GRXCR2: variants seen among roughly 807,000 people sequenced by gnomAD.
GRXCR2 encodes glutaredoxin and cysteine rich domain containing 2, also known as glutaredoxin domain-containing cysteine-rich protein 2.
In GRXCR2, 23 loss-of-function variants were observed where a neutral mutation model predicts 24.8. That is an observed-to-expected ratio of 0.93 (90% CI 0.67 to 1.32). The LOEUF (loss-of-function observed/expected upper bound fraction) is 1.32. GRXCR2 is among the 40% of genes most tolerant of loss of function. The probability of loss-of-function intolerance (pLI) is 0.00; values close to 1 mark genes in which losing one functional copy is unlikely to be tolerated. For synonymous variants in GRXCR2, 130 were observed against 116.1 expected (o/e 1.12, Z -0.77); for missense variants, 315 against 303.4 (o/e 1.04, Z -0.28).
At chr5:145,885,457 T>G (rs1756766787) in intron 2 of GRXCR2, among the ~76,000 whole-genome samples, 1 of 152,166 alleles carries the variant, frequency 6.6e-6, no homozygotes, top group Admixed American at 6.5e-5. Context: ...TTGTTCCACG[T>G]TTCTCCCTCT....
intron 2 of GRXCR2, among the ~76,000 whole-genome samples, chr5:145,887,700 A>G (rs1427875760): frequency 6.6e-6 from 1 of 152,214 alleles, no homozygotes; most frequent in Non-Finnish European, 1.5e-5. Flanking sequence ...GCTTTGATAT[A>G]CAGCACATTT....
chr5:145,895,605 C>T (rs1208465287), intron 2 of GRXCR2, among the ~76,000 whole-genome samples: 1 of 152,188 alleles, frequency 6.6e-6, no homozygotes, highest in African/African-American at 2.4e-5. Context: ...AGGAGAACTA[C>T]AAACCACTGC....
chr5:145,895,519 C>A (rs1756935562), intron 2 of GRXCR2, among the ~76,000 whole-genome samples: 1 of 152,134 alleles, frequency 6.6e-6, no homozygotes, highest in Non-Finnish European at 1.5e-5. Context: ...CATGAGTGAA[C>A]TCCCATTTAC....
intron 1 of GRXCR2, 103 bp downstream of exon 1, chr5:145,872,530 C>A: frequency 1.1e-6 from 1 of 919,168 alleles, no homozygotes; most frequent in Non-Finnish European, 1.6e-6. Flanking sequence ...CTGGTTGGTA[C>A]CGGAGGGGGA....
At chr5:145,900,296 T>A (rs1948304) in intron 2 of GRXCR2, among the ~76,000 whole-genome samples, 7,370 of 152,150 alleles carry the variant, frequency 0.048, 512 homozygotes, top group African/African-American at 0.16. Context: ...TTCCTCCTGT[T>A]CTGGCCATGT....
intron 2 of GRXCR2, among the ~76,000 whole-genome samples, chr5:145,863,525 TG>T (rs1469282157): frequency 6.6e-6 from 1 of 152,242 alleles, no homozygotes; most frequent in Non-Finnish European, 1.5e-5. Flanking sequence ...TTATCATTTC[TG>T]GTCCTCTTCT....
chr5:145,903,156 A>G (rs988173819), intron 2 of GRXCR2, among the ~76,000 whole-genome samples: 2 of 152,156 alleles, frequency 1.3e-5, no homozygotes, highest in Non-Finnish European at 2.9e-5. Flanking sequence ...TTTGAAATCA[A>G]CTTTTAGCTG....
chr5:145,895,907 C>T (rs1309878302), intron 2 of GRXCR2, among the ~76,000 whole-genome samples: 4 of 152,198 alleles, frequency 2.6e-5, no homozygotes, highest in Admixed American at 2.6e-4. Context: ...GTAACCAAAA[C>T]AGCATGGTAC....
rs111587884 is a variant in GRXCR2 at position 145,906,865 on chromosome 5, T to C, written c.-70+28836A>G. On this transcript the variant is annotated intron_variant, in intron 2 of 3. Transcript: ENST00000639411. Reference sequence around the variant, plus strand: ...GTTAAATGTATAGTATGCAAGATAGTGATCCGAAATGAAACAGGGGAGGGA... The same window carrying C: ...GTTAAATGTATAGTATGCAAGATAGCGATCCGAAATGAAACAGGGGAGGGA... Among the ~76,000 whole-genome samples, 717 of 150,962 alleles carry C rather than the reference T, an allele frequency of 4.7e-3. 5 individuals are homozygous for C. Among genetic ancestry groups the C allele is most frequent in the Non-Finnish European group, 4.0e-3 (269 of 67,928 alleles).
At chr5:145,863,757 G>A (rs1395841307) in intron 2 of GRXCR2, among the ~76,000 whole-genome samples, 2 of 152,108 alleles carry the variant, frequency 1.3e-5, no homozygotes, top group Non-Finnish European at 2.9e-5. Flanking sequence ...CTCTGCCTGG[G>A]ATTACAAGCA....
intron 1 of GRXCR2, among the ~76,000 whole-genome samples, chr5:145,869,743 G>T (rs1756498405): frequency 6.6e-6 from 1 of 152,080 alleles, no homozygotes; most frequent in South Asian, 2.1e-4. Flanking sequence ...ATTTTTAGTA[G>T]AGACAGGGTT....
intron 2 of GRXCR2, among the ~76,000 whole-genome samples, chr5:145,896,862 T>G (rs1756957701): frequency 6.6e-6 from 1 of 152,058 alleles, no homozygotes; most frequent in Non-Finnish European, 1.5e-5. Context: ...CTATTCACAA[T>G]AGCAAAGACT....
upstream of GRXCR2, among the ~76,000 whole-genome samples, chr5:145,876,191 GTATATATA>G (rs748811333): frequency 0.023 from 2,420 of 105,318 alleles, 93 homozygotes; most frequent in African/African-American, 0.087. Flanking sequence ...GTGTGTGTGT[GTATATATA>G]TATATATATA....
intron 2 of GRXCR2, among the ~76,000 whole-genome samples, chr5:145,894,382 C>T (rs1756917155): frequency 6.6e-6 from 1 of 152,094 alleles, no homozygotes; most frequent in African/African-American, 2.4e-5. Flanking sequence ...TGATAGACCG[C>T]TAGCAAGACT....
chr5:145,866,763 C>T (rs1181350574), intron 1 of GRXCR2, 35 bp from the exon 2 acceptor site: 1 of 1,340,660 alleles, frequency 7.5e-7, no homozygotes, highest in South Asian at 1.2e-5. Flanking sequence ...GAAACTTTAC[C>T]ACCAATCACC....
At chr5:145,907,528 C>CA (rs113587429) in intron 2 of GRXCR2, among the ~76,000 whole-genome samples, 7,036 of 139,774 alleles carry the variant, frequency 0.05, 472 homozygotes, top group African/African-American at 0.16. Context: ...GACTCCCTCT[C>CA]AAAAAAAAAA....
intron 2 of GRXCR2, among the ~76,000 whole-genome samples, chr5:145,880,900 A>C (rs912192089): frequency 6.6e-6 from 1 of 152,234 alleles, no homozygotes; most frequent in African/African-American, 2.4e-5. Context: ...AATGTAATCC[A>C]TCACATAAAC....
chr5:145,928,346 G>A (rs1284974455), intron 2 of GRXCR2, among the ~76,000 whole-genome samples: 5 of 152,126 alleles, frequency 3.3e-5, no homozygotes, highest in East Asian at 3.8e-4. Context: ...TCAGTGTGGC[G>A]ATTCCTCAGG....
At chr5:145,909,760 G>A (rs1356215735) in intron 2 of GRXCR2, among the ~76,000 whole-genome samples, 1 of 152,168 alleles carries the variant, frequency 6.6e-6, no homozygotes, top group Non-Finnish European at 1.5e-5. Context: ...TTCTGACCAT[G>A]ACCTCATTTT....
Sources: gnomAD v4.1 joint callset for allele counts (sites outside exome capture counted in the v4.1 genomes callset) on GRCh38, gnomAD v4.1.1 for gene constraint, MANE v1.5 for transcripts, NCBI Gene and HGNC (gene_info 2026-07-23, HGNC 2026-07-21) for gene names.